Variants in JUN observed in about 807,000 individuals in gnomAD.
JUN encodes the protein Jun proto-oncogene, AP-1 transcription factor subunit, also known as transcription factor Jun.
JUN carries 7 observed loss-of-function variants against 19.7 expected under a neutral mutation model. The observed-to-expected ratio is 0.36, with a 90% CI of 0.20 to 0.67. The LOEUF (loss-of-function observed/expected upper bound fraction) is 0.67, where lower values mean the gene tolerates loss of function less well. Ranked by LOEUF, JUN falls within the 30% of genes least tolerant of loss-of-function variation. JUN has a pLI of 0.64. For missense variants in JUN, 373 were observed against 451.0 expected (o/e 0.83, Z 1.57); for synonymous variants, 246 against 206.9 (o/e 1.19, Z -1.62).
rs1419740474 is a variant in JUN at position 58,782,558 on chromosome 1, T to G, written c.513A>C (p.Ala171=). ...CGCCTGGGTTGAAGTTGCTGAGGTTTGCGTAGACCGGCGGCTCGCTGTGCA... is the reference window on the plus strand; with the variant it reads ...CGCCTGGGTTGAAGTTGCTGAGGTTGGCGTAGACCGGCGGCTCGCTGTGCA... The part of the protein sequence containing the change: ...ASLHSEPPVY[A]NLSNFNPGAL... The change falls in exon 1 of 1, where the codon GCA becomes GCC. Residue 171 remains alanine (A), a synonymous_variant. Transcript: ENST00000371222. The surrounding 1 kb of genome is among the most constrained non-coding windows in gnomAD (Gnocchi z 8.7). 1 of 1,584,598 alleles carries G rather than the reference T, an allele frequency of 6.3e-7. No homozygotes were observed.
In JUN at chr1:58,783,419, G is replaced by A; in HGVS notation, c.-349C>T. 1 of 345,228 alleles carries A rather than the reference G, an allele frequency of 2.9e-6. No individual in the cohort carries two copies. Among genetic ancestry groups the A allele is most frequent in the South Asian group, 5.0e-5 (1 of 19,908 alleles). 21.4% of individuals were successfully genotyped at this position (345,228 alleles called of 1,614,324 possible). ...ACTTCCCAGAGCAGCGGCTCTCCCC[G>A]CGGAGCGGATCAGTGCGGACCCTGC... On this transcript the variant is annotated 5_prime_UTR_variant, in exon 1 of 1. Coordinates refer to ENST00000371222, the MANE Select transcript of JUN (RefSeq NM_002228.4).
Position 58,783,072 on chromosome 1 carries a change from G to T in JUN, c.-2C>A. ...GGTCGTTTCCATCTTTGCAGTCATA[G>T]AACAGTCCGTCACTTCACGTGAGGT... On this transcript the variant is annotated 5_prime_UTR_variant, in exon 1 of 1. Transcript: ENST00000371222. 3 of 1,610,018 alleles carry T rather than the reference G, an allele frequency of 1.9e-6. No homozygotes were observed. Among genetic ancestry groups the T allele is most frequent in the Non-Finnish European group, 8.5e-7 (1 of 1,176,834 alleles).
rs1223676751 is a variant in JUN at position 58,782,261 on chromosome 1, T to C, written c.810A>G (p.Arg270=). The change falls in exon 1 of 1, where the codon CGA becomes CGG. Residue 270 remains arginine, a synonymous_variant. Transcript: ENST00000371222. The surrounding 1 kb of genome is among the most constrained non-coding windows in gnomAD (Gnocchi z 8.7). The part of the protein sequence containing the change: ...MRNRIAASKC[R]KRKLERIARL... Reference sequence around the variant, plus strand: ...GGGCGATTCTCTCCAGCTTCCTTTTTCGGCACTTGGAGGCAGCGATGCGGT... The same window carrying C: ...GGGCGATTCTCTCCAGCTTCCTTTTCCGGCACTTGGAGGCAGCGATGCGGT... 12 of 1,614,140 alleles carry C rather than the reference T, an allele frequency of 7.4e-6. No homozygotes were observed. Among genetic ancestry groups the C allele is most frequent in the Admixed American group, 1.7e-5 (1 of 60,016 alleles).
At position 58,783,003 on chromosome 1, in the gene JUN, C is replaced by T. The variant is rs1569898249; in HGVS notation, c.68G>A (p.Ser23Asn). Residue 23 changes from serine to asparagine, a missense_variant, in exon 1 of 1, where the codon AGC becomes AAC. Ser to Asn is a conservative substitution (Grantham distance 46, BLOSUM62 1). Coordinates refer to ENST00000371222, the MANE Select transcript of JUN (RefSeq NM_002228.4). ...ALNASFLPSE[S>N]GPYGYSNPKI... ...GGGGTTACTGTAGCCATAAGGTCCG[C>T]TCTCGGACGGGAGGAACGAGGCGTT... The T allele has an allele frequency of 6.2e-7, 1 of 1,614,232 alleles. No homozygotes were observed. The highest frequency in any genetic ancestry group is 1.1e-5 in the South Asian group (1 of 91,078).
Position 58,783,202 on chromosome 1 carries a change from C to G in JUN, c.-132G>C. ...TTGACAGGGAAAGTTTCTCTAAGAG[C>G]GCACGCACCCGCTGGCTGTCGTCCC... is the stretch of plus-strand genomic sequence containing the variant. On this transcript the variant is annotated 5_prime_UTR_variant, in exon 1 of 1. Transcript: ENST00000371222. The G allele has an allele frequency of 3.6e-6, 5 of 1,378,322 alleles. No homozygotes were observed. Among genetic ancestry groups the G allele is most frequent in the Non-Finnish European group, 4.9e-6 (5 of 1,019,304 alleles). The allele number at this position is 1,378,322 out of a possible 1,614,324, so 85.4% of individuals were successfully genotyped here. A position where few individuals can be genotyped will look rare whatever the true frequency, so the allele number is the denominator to read the frequency against.
In JUN at chr1:58,781,896, C is replaced by G; in HGVS notation, c.*179G>C. 1.6e-6 allele frequency: 1 copy of G among 622,434 alleles called. No homozygotes were observed. The highest frequency in any genetic ancestry group is 2.8e-6 in the Non-Finnish European group (1 of 357,242). 38.6% of individuals were successfully genotyped at this position (622,434 alleles called of 1,614,324 possible). A position where few individuals can be genotyped will look rare whatever the true frequency, so the allele number is the denominator to read the frequency against. ...ACGCCAAGGGAGGGCGCGCCAAGTC[C>G]TTCCCACTCGTGCACACTGGGGGCG... On this transcript the variant is annotated 3_prime_UTR_variant, in exon 1 of 1. Transcript: ENST00000371222.
rs765437100 is a variant in JUN at position 58,782,666 on chromosome 1, C to T, written c.405G>A (p.Gln135=). ...NTLPSVTSAA[Q]PVNGAGMVAP... ...CCACCATGCCTGCCCCGTTGACCGG[C>T]TGCGCCGCCGACGTGACGCTGGGCA... Residue 135 remains glutamine (Q), a synonymous_variant, in exon 1 of 1, where the codon CAG becomes CAA. Transcript: ENST00000371222. This position sits in a 1 kb window ranked among gnomAD's most constrained non-coding sequence, Gnocchi z 8.7. The T allele has an allele frequency of 2.5e-6, 4 of 1,589,420 alleles. No individual in the cohort carries two copies. Among genetic ancestry groups the T allele is most frequent in the African/African-American group, 2.7e-5 (2 of 74,630 alleles).
Position 58,781,488 on chromosome 1 carries a change from A to G in JUN, c.*587T>C. The G allele has an allele frequency of 4.4e-6, 1 of 224,872 alleles. No homozygotes were observed. The highest frequency in any genetic ancestry group is 8.9e-6 in the Non-Finnish European group (1 of 112,538). 13.9% of individuals were successfully genotyped at this position (224,872 alleles called of 1,614,324 possible). On this transcript the variant is annotated 3_prime_UTR_variant, in exon 1 of 1. Coordinates refer to ENST00000371222, the MANE Select transcript of JUN (RefSeq NM_002228.4). ...TACCCAAACAAACAAACAAGAAATAACTTACAAAGGCATGAAGCTGTTTAT... is the reference window on the plus strand; with the variant it reads ...TACCCAAACAAACAAACAAGAAATAGCTTACAAAGGCATGAAGCTGTTTAT...
chr1:58,781,562 C>A lies in JUN; in HGVS notation c.*513G>T, dbSNP rs1645573640. ...ATTAAAAAATATATATATGTACATACACAGTTAACGAAGGCAGGCCAGAAA... is the reference window on the plus strand; with the variant it reads ...ATTAAAAAATATATATATGTACATAAACAGTTAACGAAGGCAGGCCAGAAA... On this transcript the variant is annotated 3_prime_UTR_variant, in exon 1 of 1. Transcript: ENST00000371222. 4.2e-6 allele frequency: 1 copy of A among 237,560 alleles called. No individual in the cohort carries two copies. The highest frequency in any genetic ancestry group is 8.4e-6 in the Non-Finnish European group (1 of 118,830). The allele number at this position is 237,560 out of a possible 1,614,324, so 14.7% of individuals were successfully genotyped here. A position where few individuals can be genotyped will look rare whatever the true frequency, so the allele number is the denominator to read the frequency against.
Position 58,783,346 on chromosome 1 carries a change from T to G in JUN, c.-276A>C. On this transcript the variant is annotated 5_prime_UTR_variant, in exon 1 of 1. Transcript: ENST00000371222. ...GCTTTGAAAAGTCGCGGTCACTCACTGAGCGCTCTTCGTGCGCAGCGGTTC... is the reference window on the plus strand; with the variant it reads ...GCTTTGAAAAGTCGCGGTCACTCACGGAGCGCTCTTCGTGCGCAGCGGTTC... The G allele has an allele frequency of 4.4e-6, 2 of 459,074 alleles. No individual in the cohort carries two copies. The highest frequency in any genetic ancestry group is 4.1e-6 in the Non-Finnish European group (1 of 245,420). 28.4% of individuals were successfully genotyped at this position (459,074 alleles called of 1,614,324 possible). A position where few individuals can be genotyped will look rare whatever the true frequency, so the allele number is the denominator to read the frequency against.
In JUN at chr1:58,782,317, G is replaced by T. The variant is rs774820626; in HGVS notation, c.754C>A (p.Arg252=). ...LSPIDMESQE[R]IKAERKRMRN... is the part of the protein sequence containing the mutation. ...ATGCGCTTCCTCTCCGCCTTGATCCGCTCCTGGGACTCCATGTCGATGGGG... is the reference window on the plus strand; with the variant it reads ...ATGCGCTTCCTCTCCGCCTTGATCCTCTCCTGGGACTCCATGTCGATGGGG... Residue 252 remains arginine (R), a synonymous_variant, in exon 1 of 1, where the codon CGG becomes AGG. Transcript: ENST00000371222. This position sits in a 1 kb window ranked among gnomAD's most constrained non-coding sequence, Gnocchi z 8.7. The T allele has an allele frequency of 1.2e-6, 2 of 1,614,224 alleles. No individual in the cohort carries two copies. Among genetic ancestry groups the T allele is most frequent in the East Asian group, 2.2e-5 (1 of 44,880 alleles).
In JUN at chr1:58,782,096, C is replaced by T. The variant is rs2100738517; in HGVS notation, c.975G>A (p.Thr325=). 1 of 1,613,134 alleles carries T rather than the reference C, an allele frequency of 6.2e-7. No homozygotes were observed. Among genetic ancestry groups the T allele is most frequent in the South Asian group, 1.1e-5 (1 of 91,078 alleles). ...CTCTTCAAAATGTTTGCAACTGCTG[C>T]GTTAGCATGAGTTGGCACCCACTGT... The part of the protein sequence containing the change: ...HVNSGCQLML[T]QQLQTF Residue 325 remains threonine (T), a synonymous_variant, in exon 1 of 1, where the codon ACG becomes ACA. Transcript: ENST00000371222. This position sits in a 1 kb window ranked among gnomAD's most constrained non-coding sequence, Gnocchi z 8.7.
chr1:58,782,141 C>T lies in JUN; in HGVS notation c.930G>A (p.Gln310=), dbSNP rs974470700. Residue 310 remains glutamine, a synonymous_variant, in exon 1 of 1, where the codon CAG becomes CAA. Coordinates refer to ENST00000371222, the MANE Select transcript of JUN (RefSeq NM_002228.4). The surrounding 1 kb of genome is among the most constrained non-coding windows in gnomAD (Gnocchi z 8.7). ...MLREQVAQLK[Q]KVMNHVNSGC... ...CACTGTTAACGTGGTTCATGACTTT[C>T]TGTTTAAGCTGTGCCACCTGTTCCC... 2 of 1,614,256 alleles carry T rather than the reference C, an allele frequency of 1.2e-6. No individual in the cohort carries two copies. The highest frequency in any genetic ancestry group is 1.7e-6 in the Non-Finnish European group (2 of 1,180,054).
Position 58,783,976 on chromosome 1 carries a change from G to C in JUN, c.-906C>G. On this transcript the variant is annotated 5_prime_UTR_variant, in exon 1 of 1. Coordinates refer to ENST00000371222, the MANE Select transcript of JUN (RefSeq NM_002228.4). ...CCGACCTGGCTGGCTGGCTGTGTCT[G>C]TCTGTCTGCCTGACTCCGCGCACCT... 8.0e-6 allele frequency: 2 copies of C among 249,476 alleles called. No individual in the cohort carries two copies. Among genetic ancestry groups the C allele is most frequent in the Non-Finnish European group, 1.7e-5 (2 of 119,182 alleles). The allele number at this position is 249,476 out of a possible 1,614,324, so 15.5% of individuals were successfully genotyped here. A position where few individuals can be genotyped will look rare whatever the true frequency, so the allele number is the denominator to read the frequency against.
Position 58,784,017 on chromosome 1 carries a change from T to A in JUN, c.-947A>T, listed in dbSNP as rs1197073670. 8.0e-6 allele frequency: 2 copies of A among 249,164 alleles called. No individual in the cohort carries two copies. Among genetic ancestry groups the A allele is most frequent in the Admixed American group, 1.1e-4 (2 of 17,808 alleles). The allele number at this position is 249,164 out of a possible 1,614,324, so 15.4% of individuals were successfully genotyped here. ...CCGCGCACCTCCACTCCCGCCTCGC[T>A]GCTTCAGCCACACTCAGTGCAACTC... On this transcript the variant is annotated 5_prime_UTR_variant, in exon 1 of 1. Coordinates refer to ENST00000371222, the MANE Select transcript of JUN (RefSeq NM_002228.4).
chr1:58,782,428 T>A lies in JUN; in HGVS notation c.643A>T (p.Met215Leu). Residue 215 changes from methionine to leucine, a missense_variant, in exon 1 of 1, where the codon ATG becomes TTG. By Grantham distance (15) the Met-to-Leu change is conservative. Transcript: ENST00000371222. The surrounding 1 kb of genome is among the most constrained non-coding windows in gnomAD (Gnocchi z 8.7). ...QQPPHHLPQQ[M>L]PVQHPRLQAL... is the part of the protein sequence containing the mutation. Reference sequence around the variant, plus strand: ...TGCAGCCGCGGGTGCTGCACGGGCATCTGCTGGGGCAGGTGGTGCGGCGGC... The same window carrying A: ...TGCAGCCGCGGGTGCTGCACGGGCAACTGCTGGGGCAGGTGGTGCGGCGGC... 6.2e-7 allele frequency: 1 copy of A among 1,606,930 alleles called. No homozygotes were observed. Among genetic ancestry groups the A allele is most frequent in the African/African-American group, 1.3e-5 (1 of 74,798 alleles).
Position 58,781,906 on chromosome 1 carries a change from G to C in JUN, c.*169C>G. On this transcript the variant is annotated 3_prime_UTR_variant, in exon 1 of 1. Transcript: ENST00000371222. ...AGGGCGCGCCAAGTCCTTCCCACTC[G>C]TGCACACTGGGGGCGCCGTCAGGAC... The C allele has an allele frequency of 3.1e-6, 2 of 641,280 alleles. No individual in the cohort carries two copies. The highest frequency in any genetic ancestry group is 2.7e-6 in the Non-Finnish European group (1 of 370,216). The allele number at this position is 641,280 out of a possible 1,614,324, so 39.7% of individuals were successfully genotyped here. A position where few individuals can be genotyped will look rare whatever the true frequency, so the allele number is the denominator to read the frequency against.
rs1361326395 is a variant in JUN, at chr1:58,782,642, C to T, written c.429G>A (p.Val143=). ...CTGCCACCGAGGCTACCGCGGGAGC[C>T]ACCATGCCTGCCCCGTTGACCGGCT... The part of the protein sequence containing the change: ...AAQPVNGAGM[V]APAVASVAGG... Residue 143 remains valine, a synonymous_variant, in exon 1 of 1, where the codon GTG becomes GTA. Coordinates refer to ENST00000371222, the MANE Select transcript of JUN (RefSeq NM_002228.4). The surrounding 1 kb of genome is among the most constrained non-coding windows in gnomAD (Gnocchi z 8.7). The T allele has an allele frequency of 9.4e-6, 15 of 1,595,064 alleles. No individual in the cohort carries two copies. The highest frequency in any genetic ancestry group is 1.3e-5 in the Non-Finnish European group (15 of 1,177,082).
In JUN at chr1:58,782,185, A is replaced by C. The variant is rs1645580128; in HGVS notation, c.886T>G (p.Ser296Ala). The change falls in exon 1 of 1, where the codon TCC (serine) becomes GCC (alanine). Residue 296 changes from serine to alanine, a missense_variant. Transcript: ENST00000371222. The surrounding 1 kb of genome is among the most constrained non-coding windows in gnomAD (Gnocchi z 8.7). ...TLKAQNSELA[S>A]TANMLREQVA... is the part of the protein sequence containing the mutation. ...TGTTCCCTGAGCATGTTGGCCGTGG[A>C]CGCCAGCTCCGAGTTCTGAGCTTTC... The C allele has an allele frequency of 6.2e-7, 1 of 1,614,192 alleles. No homozygotes were observed. The highest frequency in any genetic ancestry group is 8.5e-7 in the Non-Finnish European group (1 of 1,180,036).
Sources: allele counts gnomAD v4.1 joint callset, GRCh38; gene constraint gnomAD v4.1.1; non-coding constraint Gnocchi (gnomAD v3.1); transcripts MANE v1.5; gene names NCBI Gene and HGNC (gene_info 2026-07-23, HGNC 2026-07-21).